Variants in KCNQ3 observed in about 807,000 individuals in gnomAD.
KCNQ3 encodes the protein potassium voltage-gated channel subfamily Q member 3.
In KCNQ3, 30 loss-of-function variants were observed where a neutral mutation model predicts 92.5. The ratio of observed to expected loss-of-function variants is 0.32; its 90% confidence interval spans 0.24 to 0.44. The LOEUF (loss-of-function observed/expected upper bound fraction) is 0.44. KCNQ3 is among the 20% of genes least tolerant of loss of function. The pLI is 1.00. For missense variants in KCNQ3, 913 were observed against 1,140.3 expected, an observed-to-expected ratio of 0.80 and a Z score of 2.87; for synonymous variants, 450 against 468.8, an observed-to-expected ratio of 0.96 and a Z score of 0.52.
At chr8:132,476,674 C>G (rs908795898) in intron 1 of KCNQ3, among the ~76,000 whole-genome samples, 2 of 151,812 alleles carry the variant, frequency 1.3e-5, no homozygotes, top group African/African-American at 2.4e-5. Flanking sequence ...AAGTAACAAA[C>G]TTTTTTTTTA....
chr8:132,396,426 G>GAA (rs751227909), intron 1 of KCNQ3, among the ~76,000 whole-genome samples: 5 of 134,210 alleles, frequency 3.7e-5, no homozygotes, highest in Non-Finnish European at 4.9e-5. Flanking sequence ...TTGGTAACAG[G>GAA]AAAAAAAAAA....
At chr8:132,278,107 A>G (rs1482988050) in intron 1 of KCNQ3, 1 of 985,312 alleles carries the variant, frequency 1.0e-6, no homozygotes, top group Non-Finnish European at 1.2e-6. Context: ...AGATTTCCAC[A>G]GTACCACATT....
intron 1 of KCNQ3, among the ~76,000 whole-genome samples, chr8:132,240,241 C>A (rs930754383): frequency 7.2e-6 from 1 of 138,342 alleles, no homozygotes; most frequent in African/African-American, 2.7e-5. Context: ...GGTTGGAGTG[C>A]AATGGCACGA....
rs867066299 is a variant in KCNQ3 at position 132,480,229 on chromosome 8, C to A, written c.304G>T (p.Ala102Ser). The change falls in exon 1 of 15, where the codon GCC (alanine) becomes TCC (serine). Residue 102 changes from alanine (A) to serine (S), a missense_variant. This residue lies in a region of KCNQ3 where 183 missense variants were observed against 167.7 expected (regional missense o/e 1.09). Transcript: ENST00000388996. ...AAAGTTTGGATGCGCCGGTACTTGG[C>A]GTTGTTTCTCTTGACTGGGCGGCTC... Reference protein sequence around the residue: ...PLSRPVKRNNAKYRRIQTLIY... With the variant: ...PLSRPVKRNNSKYRRIQTLIY... The A allele has an allele frequency of 6.2e-7, 1 of 1,613,356 alleles. No homozygotes were observed.
intron 1 of KCNQ3, among the ~76,000 whole-genome samples, chr8:132,237,200 C>T (rs899929653): frequency 1.3e-5 from 2 of 151,964 alleles, no homozygotes; most frequent in African/African-American, 4.8e-5. Flanking sequence ...CCACAATAAC[C>T]TTACAAAGTA....
chr8:132,395,999 G>A (rs1820182031), intron 1 of KCNQ3, among the ~76,000 whole-genome samples: 1 of 152,170 alleles, frequency 6.6e-6, no homozygotes, highest in Non-Finnish European at 1.5e-5. Context: ...AAGGATTTGG[G>A]TTACTATTAC....
Position 132,250,053 on chromosome 8 carries a change from G to A in KCNQ3, c.387-63872C>T, listed in dbSNP as rs553058849. Among the ~76,000 whole-genome samples the A allele has an allele frequency of 2.6e-5, 4 of 152,272 alleles. No individual in the cohort carries two copies. The East Asian group carries it at 5.8e-4, about 22-fold the overall frequency. ...CGTGCCTCTCCCTCCACACCTCCCC[G>A]CAAGCAGAGGGAGCCGGCTCCAGCC... is the stretch of plus-strand genomic sequence containing the variant. On this transcript the variant is annotated intron_variant, in intron 1 of 14. Transcript: ENST00000388996.
chr8:132,351,791 C>T (rs1818874898), intron 1 of KCNQ3, among the ~76,000 whole-genome samples: 1 of 152,214 alleles, frequency 6.6e-6, no homozygotes, highest in Admixed American at 6.5e-5. Context: ...GCTTCTTTCC[C>T]TGAGAGGCAC....
chr8:132,439,333 A>G (rs1263681898), intron 1 of KCNQ3, among the ~76,000 whole-genome samples: 1 of 152,068 alleles, frequency 6.6e-6, no homozygotes, highest in Admixed American at 6.6e-5. Flanking sequence ...TGGAAGGCTC[A>G]GAGAGATGAA....
At chr8:132,423,557 C>A (rs191371137) in intron 1 of KCNQ3, among the ~76,000 whole-genome samples, 2 of 152,204 alleles carry the variant, frequency 1.3e-5, no homozygotes, top group African/African-American at 2.4e-5. Flanking sequence ...GCCAAGTCTT[C>A]GTCTGTAGCA....
intron 1 of KCNQ3, among the ~76,000 whole-genome samples, chr8:132,310,820 T>C (rs957463223): frequency 1.3e-5 from 2 of 152,242 alleles, no homozygotes; most frequent in Non-Finnish European, 2.9e-5. Flanking sequence ...TGGAATGGAT[T>C]CTTTGAAAAA....
At chr8:132,299,794 G>T (rs556412995) in intron 1 of KCNQ3, among the ~76,000 whole-genome samples, 762 of 70,106 alleles carry the variant, frequency 0.011, 9 homozygotes, top group African/African-American at 0.035. Flanking sequence ...TCTGAGGGCG[G>T]TATTTTCCTG....
chr8:132,280,517 C>G (rs55932743), intron 1 of KCNQ3, among the ~76,000 whole-genome samples: 9 of 152,254 alleles, frequency 5.9e-5, no homozygotes, highest in Non-Finnish European at 1.3e-4. Context: ...ATAGCGGGAA[C>G]AGCAACAAGC....
At chr8:132,303,614 A>ATGTGTTGTG (rs1817305789) in intron 1 of KCNQ3, among the ~76,000 whole-genome samples, 1 of 11,176 alleles carries the variant, frequency 8.9e-5, no homozygotes, top group Non-Finnish European at 1.4e-4. Flanking sequence ...GTGTATATAT[A>ATGTGTTGTG]TATATATATA....
chr8:132,349,905 A>C (rs757740390), intron 1 of KCNQ3, among the ~76,000 whole-genome samples: 1 of 152,214 alleles, frequency 6.6e-6, no homozygotes, highest in South Asian at 2.1e-4. Flanking sequence ...TGATGTACTC[A>C]GAGGTGAAAT....
intron 1 of KCNQ3, among the ~76,000 whole-genome samples, chr8:132,352,997 C>A (rs550974863): frequency 6.6e-6 from 1 of 152,098 alleles, no homozygotes; most frequent in South Asian, 2.1e-4. Context: ...GAGGTCGAGG[C>A]GGGTGGATCA....
intron 9 of KCNQ3, among the ~76,000 whole-genome samples, chr8:132,148,082 T>C (rs371741856): frequency 1.3e-5 from 2 of 152,138 alleles, no homozygotes; most frequent in Non-Finnish European, 2.9e-5. Context: ...TAAATGAAAG[T>C]TGCTGTCAGT....
intron 12 of KCNQ3, among the ~76,000 whole-genome samples, chr8:132,136,950 G>GC (rs11293588): frequency 6.8e-6 from 1 of 148,098 alleles, no homozygotes; most frequent in South Asian, 2.2e-4. Flanking sequence ...TGCAACCTCC[G>GC]CCCCCCCAGG....
At position 132,246,784 on chromosome 8, in the gene KCNQ3, C is replaced by T. The variant is rs544146977; in HGVS notation, c.387-60603G>A. Among the ~76,000 whole-genome samples the T allele has an allele frequency of 3.3e-5, 5 of 152,334 alleles. No individual in the cohort carries two copies. In the South Asian group the frequency reaches 6.2e-4, roughly 19 times the overall value. On this transcript the variant is annotated intron_variant, in intron 1 of 14. Transcript: ENST00000388996. The stretch of plus-strand genomic sequence containing the variant: ...TTTCTCAGCTCTCATCCCAGCATTA[C>T]GTCCTCCAGAAAGTCCTCAGCACCA...
Sources: gnomAD v4.1 joint callset for allele counts (sites outside exome capture counted in the v4.1 genomes callset) on GRCh38, gnomAD v4.1.1 for gene constraint, gnomAD v4.1.1 regional missense constraint, MANE v1.5 for transcripts, NCBI Gene and HGNC (gene_info 2026-07-23, HGNC 2026-07-21) for gene names.